The following PLCB4 variants were observed in gnomAD, a reference collection of about 807,000 sequenced individuals.
The protein encoded by PLCB4 is 1-phosphatidylinositol 4,5-bisphosphate phosphodiesterase beta-4.
In PLCB4, 77 loss-of-function variants were observed where a neutral mutation model predicts 178.8. The ratio of observed to expected loss-of-function variants is 0.43; its 90% CI spans 0.36 to 0.52. PLCB4 has a LOEUF of 0.52. Among genes scored for constraint, PLCB4 ranks in the 20% least tolerant of loss-of-function variants. The pLI is 0.00. For missense variants in PLCB4, 1,024 were observed against 1,453.4 expected (o/e 0.70, Z 4.80); for synonymous variants, 496 against 490.8 (o/e 1.01, Z -0.14).
intron 3 of PLCB4, among the ~76,000 whole-genome samples, chr20:9,290,490 A>G (rs1047042675): frequency 3.9e-5 from 6 of 152,150 alleles, no homozygotes; most frequent in African/African-American, 4.8e-5. Context: ...TTCAGTTTCT[A>G]TATAAGCAAT....
intron 2 of PLCB4, among the ~76,000 whole-genome samples, chr20:9,132,278 T>C (rs6039396): frequency 0.87 from 131,949 of 152,002 alleles, 57,446 homozygotes; most frequent in East Asian, 1. Context: ...AGCAAGGGCA[T>C]AATGTTTGTG....
In PLCB4 at chr20:9,235,041, G is replaced by T. The variant is rs548133503; in HGVS notation, c.-16+17589G>T. Among the ~76,000 whole-genome samples the T allele has an allele frequency of 2.0e-5, 3 of 152,276 alleles. No individual in the cohort carries two copies. In the East Asian group the frequency reaches 5.8e-4, roughly 29 times the overall value. On this transcript the variant is annotated intron_variant, in intron 3 of 39. Transcript: ENST00000378473. The stretch of plus-strand genomic sequence containing the variant: ...GCAAGTATTCTGGAAAGAGAATGAG[G>T]CAAGGGAGTGAAGAGTGGTTGTAAG...
intron 2 of PLCB4, among the ~76,000 whole-genome samples, chr20:9,104,040 C>T (rs186806559): frequency 1.5e-3 from 230 of 152,206 alleles, no homozygotes; most frequent in Admixed American, 2.3e-3. Flanking sequence ...GAAACAGTAA[C>T]AACCACAAAT....
chr20:9,245,596 A>T (rs1045864788), intron 3 of PLCB4, among the ~76,000 whole-genome samples: 1 of 152,184 alleles, frequency 6.6e-6, no homozygotes, highest in Non-Finnish European at 1.5e-5. Context: ...CCTCAAGCCA[A>T]GGAATGCTTC....
intron 2 of PLCB4, among the ~76,000 whole-genome samples, chr20:9,119,082 T>C (rs1444015523): frequency 2.6e-5 from 4 of 152,242 alleles, no homozygotes; most frequent in Non-Finnish European, 5.9e-5. Context: ...CTTTTATTCA[T>C]ATTCAAAAGC....
chr20:9,174,968 G>T (rs6056447), intron 2 of PLCB4, among the ~76,000 whole-genome samples: 466 of 152,192 alleles, frequency 3.1e-3, no homozygotes, highest in African/African-American at 8.6e-3. Context: ...CTGTCTTATT[G>T]TTATTAATAC....
intron 2 of PLCB4, among the ~76,000 whole-genome samples, chr20:9,198,006 A>C (rs575123426): frequency 6.6e-5 from 10 of 152,256 alleles, no homozygotes; most frequent in Non-Finnish European, 8.8e-5. Flanking sequence ...TAAAAAAAAA[A>C]ACAAAATCTT....
At chr20:9,271,919 A>G (rs2147623952) in intron 3 of PLCB4, among the ~76,000 whole-genome samples, 3 of 151,974 alleles carry the variant, frequency 2.0e-5, no homozygotes, top group Admixed American at 2.0e-4. Context: ...GCTCACACCT[A>G]TAATCTGAGC....
chr20:9,231,282 C>T (rs2093928837), intron 3 of PLCB4, among the ~76,000 whole-genome samples: 1 of 152,052 alleles, frequency 6.6e-6, no homozygotes. Flanking sequence ...TGAGGTAGCC[C>T]AGGGGAAACC....
At chr20:9,108,563 A>G (rs563160971) in intron 2 of PLCB4, among the ~76,000 whole-genome samples, 2 of 152,180 alleles carry the variant, frequency 1.3e-5, no homozygotes, top group East Asian at 1.9e-4. Context: ...TTGCTGAGGT[A>G]TGAATTGTGA....
At chr20:9,264,678 A>G (rs1250072700) in intron 3 of PLCB4, among the ~76,000 whole-genome samples, 3 of 152,208 alleles carry the variant, frequency 2.0e-5, no homozygotes. Context: ...CTTTTCTTGA[A>G]TAGGCATGTG....
chr20:9,382,079 A>T (rs751827537), intron 13 of PLCB4, among the ~76,000 whole-genome samples: 8 of 151,912 alleles, frequency 5.3e-5, no homozygotes, highest in Non-Finnish European at 8.8e-5. Flanking sequence ...GATCCTTCCT[A>T]CCCCTAGATA....
intron 2 of PLCB4, among the ~76,000 whole-genome samples, chr20:9,148,127 C>T (rs752526663): frequency 2.0e-5 from 3 of 152,128 alleles, no homozygotes; most frequent in Non-Finnish European, 2.9e-5. Flanking sequence ...TGGACATCAT[C>T]TAGTTCTAGT....
At chr20:9,171,630 A>G (rs1298860307) in intron 2 of PLCB4, among the ~76,000 whole-genome samples, 2 of 152,182 alleles carry the variant, frequency 1.3e-5, no homozygotes, top group Non-Finnish European at 2.9e-5. Context: ...GCAAAAAAAT[A>G]ACTCAGAGAG....
chr20:9,433,319 TGACTTAAGA>T (rs1418273730), intron 28 of PLCB4, among the ~76,000 whole-genome samples: 2 of 152,188 alleles, frequency 1.3e-5, no homozygotes, highest in Non-Finnish European at 2.9e-5. Context: ...AGACTAAAAT[TGACTTAAGA>T]GACATAATTA....
intron 3 of PLCB4, among the ~76,000 whole-genome samples, chr20:9,282,308 A>G (rs1404792320): frequency 6.6e-6 from 1 of 151,996 alleles, no homozygotes; most frequent in Non-Finnish European, 1.5e-5. Context: ...GAAAAATAGG[A>G]TATAAACATT....
At chr20:9,250,535 ATTGT>A (rs1397197907) in intron 3 of PLCB4, among the ~76,000 whole-genome samples, 4 of 152,192 alleles carry the variant, frequency 2.6e-5, no homozygotes, top group African/African-American at 4.8e-5. Flanking sequence ...ATACATAAAA[ATTGT>A]TTGTTTGTTA....
chr20:9,142,810 A>ACGTTGC (rs1555841062), intron 2 of PLCB4, among the ~76,000 whole-genome samples: 1 of 152,158 alleles, frequency 6.6e-6, no homozygotes, highest in Non-Finnish European at 1.5e-5. Flanking sequence ...ATATCAGATC[A>ACGTTGC]CGTTGCCCTG....
chr20:9,201,726 A>T (rs915782489), intron 2 of PLCB4, among the ~76,000 whole-genome samples: 1 of 152,236 alleles, frequency 6.6e-6, no homozygotes, highest in Non-Finnish European at 1.5e-5. Flanking sequence ...AGAAGAAAAA[A>T]AACTAGATGG....
Sources: gnomAD v4.1 joint callset for allele counts (sites outside exome capture counted in the v4.1 genomes callset) on GRCh38, gnomAD v4.1.1 for gene constraint, MANE v1.5 for transcripts, NCBI Gene and HGNC (gene_info 2026-07-23, HGNC 2026-07-21) for gene names.